TEFM: variants seen among roughly 807,000 people sequenced by gnomAD.
The protein encoded by TEFM is transcription elongation factor of mitochondria.
Under a neutral mutation model 23.0 loss-of-function variants are expected in TEFM, and 14 were observed. That is an observed-to-expected ratio of 0.61 (90% CI 0.40 to 0.95). TEFM has a LOEUF of 0.95. Ranked by LOEUF, TEFM falls within the 40% of genes least tolerant of loss-of-function variation. TEFM has a pLI of 0.00. For synonymous variants in TEFM, 155 were observed against 158.3 expected, an observed-to-expected ratio of 0.98 and a Z score of 0.16; for missense variants, 386 against 425.5, an observed-to-expected ratio of 0.91 and a Z score of 0.82.
At chr17:30,902,171 C>G (rs1316286608) in intron 2 of TEFM, among the ~76,000 whole-genome samples, 1 of 152,152 alleles carries the variant, frequency 6.6e-6, no homozygotes, top group African/African-American at 2.4e-5. Flanking sequence ...CCCAACATGG[C>G]TCACTTAGTT....
intron 3 of TEFM, 23 bp from the exon 4 acceptor site, chr17:30,899,629 A>C (rs138218925): frequency 3.4e-6 from 5 of 1,460,312 alleles, no homozygotes; most frequent in African/African-American, 2.8e-5. Context: ...AGACAAAATA[A>C]AGGAACAGAA....
At position 30,904,104 on chromosome 17, in the gene TEFM, T is replaced by C; in HGVS notation, c.457A>G (p.Lys153Glu). 1 of 1,614,028 alleles carries C rather than the reference T, an allele frequency of 6.2e-7. No individual in the cohort carries two copies. Among genetic ancestry groups the C allele is most frequent in the Non-Finnish European group, 8.5e-7 (1 of 1,179,952 alleles). Residue 153 changes from lysine to glutamate, a missense_variant, in exon 2 of 4, where the codon AAG becomes GAG. Lys to Glu is a moderately conservative substitution (Grantham distance 56). Transcript: ENST00000581216. ...CTTTCTATGTCTGGTTTGAGGAGCT[T>C]TCTCAGGAACCGGTTTTCCGGTGAC... Reference protein sequence around the residue: ...RKSPENRFLRKLLKPDIERER... With the variant: ...RKSPENRFLRELLKPDIERER...
At position 30,904,055 on chromosome 17, in the gene TEFM, G is replaced by A. The variant is rs774557187; in HGVS notation, c.495+11C>T. 3.4e-5 allele frequency: 54 copies of A among 1,605,826 alleles called. No homozygotes were observed. Among genetic ancestry groups the A allele is most frequent in the Middle Eastern group, 3.3e-4 (2 of 6,048 alleles). ...AAATATTAGGCAGTATAGCAGACAT[G>A]AAGAATATACCTTAAGTCTTTCTCT... On this transcript the variant is annotated intron_variant, in intron 2 of 3. Transcript: ENST00000581216.
Position 30,899,100 on chromosome 17 carries a change from T to C in TEFM, c.*69A>G. The C allele has an allele frequency of 7.6e-7, 1 of 1,319,346 alleles. No individual in the cohort carries two copies. Among genetic ancestry groups the C allele is most frequent in the Non-Finnish European group, 1.0e-6 (1 of 973,930 alleles). The allele number at this position is 1,319,346 out of a possible 1,614,324, so 81.7% of individuals were successfully genotyped here. The stretch of plus-strand genomic sequence containing the variant: ...GAAAATGTGTTCTTTTCCAATAACA[T>C]GGATGTTCACAACAGTTGGTGTTAC... On this transcript the variant is annotated 3_prime_UTR_variant, in exon 4 of 4. Transcript: ENST00000581216.
Position 30,899,244 on chromosome 17 carries a change from T to G in TEFM, c.1008A>C (p.Arg336Ser), listed in dbSNP as rs774696690. The change falls in exon 4 of 4, where the codon AGA becomes AGC. Residue 336 changes from arginine (R) to serine (S), a missense_variant. Physicochemically the swap from Arg to Ser is moderately radical, Grantham distance 110 (BLOSUM62 -1). Transcript: ENST00000581216. ...RQMFLSTELQ[R>S]VEELYDSLLQ... The stretch of plus-strand genomic sequence containing the variant: ...ATAATGAATCATAAAGCTCTTCTAC[T>G]CTTTGTAGTTCAGTAGATAAAAACA... 7 of 1,614,030 alleles carry G rather than the reference T, an allele frequency of 4.3e-6. No individual in the cohort carries two copies. The highest frequency in any genetic ancestry group is 1.3e-5 in the African/African-American group (1 of 74,928).
rs1910112249 is a variant in TEFM at position 30,904,120 on chromosome 17, T to G, written c.441A>C (p.Glu147Asp). The G allele has an allele frequency of 1.9e-6, 3 of 1,613,900 alleles. No individual in the cohort carries two copies. Among genetic ancestry groups the G allele is most frequent in the African/African-American group, 1.3e-5 (1 of 74,944 alleles). ...TGAGGAGCTTTCTCAGGAACCGGTT[T>G]TCCGGTGACTTTCTTTTTTCCCGTC... Reference protein sequence around the residue: ...KTGREKRKSPENRFLRKLLKP... With the variant: ...KTGREKRKSPDNRFLRKLLKP... The change falls in exon 2 of 4, where the codon GAA (glutamate) becomes GAC (aspartate). Residue 147 changes from glutamate to aspartate, a missense_variant. Physicochemically the swap from Glu to Asp is conservative, Grantham distance 45. Transcript: ENST00000581216.
chr17:30,904,817 T>G (rs1262501505), intron 1 of TEFM, among the ~76,000 whole-genome samples: 1 of 151,932 alleles, frequency 6.6e-6, no homozygotes, highest in Non-Finnish European at 1.5e-5. Flanking sequence ...TGGCTGGGAC[T>G]ACAGGCGCCT....
intron 2 of TEFM, among the ~76,000 whole-genome samples, chr17:30,900,776 A>T (rs1291557732): frequency 7.0e-6 from 1 of 143,806 alleles, no homozygotes; most frequent in Non-Finnish European, 1.5e-5. Context: ...TAATTTTTTT[A>T]TTTTTTTTTT....
chr17:30,903,229 G>GTT (rs567911720), intron 2 of TEFM, among the ~76,000 whole-genome samples: 22 of 126,532 alleles, frequency 1.7e-4, no homozygotes, highest in South Asian at 2.7e-4. Context: ...TTAGAATGGT[G>GTT]TTTTTTTTTT....
chr17:30,903,881 T>C (rs1910100614), intron 2 of TEFM, 185 bp downstream of exon 2: 2 of 556,226 alleles, frequency 3.6e-6, no homozygotes, highest in Non-Finnish European at 6.2e-6. Context: ...TCACAGCCCA[T>C]TGTTTTCTCT....
intron 1 of TEFM, 32 bp from the exon 2 acceptor site, chr17:30,904,561 G>A: frequency 1.3e-6 from 2 of 1,526,274 alleles, no homozygotes; most frequent in Non-Finnish European, 1.8e-6. Context: ...ATATAAGTTG[G>A]ATGTCCTACT....
chr17:30,900,514 A>G lies in TEFM; in HGVS notation c.544T>C (p.Trp182Arg), dbSNP rs1910016823. 5 of 1,614,196 alleles carry G rather than the reference A, an allele frequency of 3.1e-6. No homozygotes were observed. The highest frequency in any genetic ancestry group is 4.2e-6 in the Non-Finnish European group (5 of 1,180,004). Reference protein sequence around the residue: ...SIVFGTRRIAWAHLDRKLTVL... With the variant: ...SIVFGTRRIARAHLDRKLTVL... ...GTCAACTTACGATCAAGGTGAGCCCAGGCAATTCTTCGAGTACCAAAAACG... is the reference window on the plus strand; with the variant it reads ...GTCAACTTACGATCAAGGTGAGCCCGGGCAATTCTTCGAGTACCAAAAACG... The change falls in exon 3 of 4, where the codon TGG (tryptophan) becomes CGG (arginine). Residue 182 changes from tryptophan (W) to arginine (R), a missense_variant. Coordinates refer to ENST00000581216, the MANE Select transcript of TEFM (RefSeq NM_024683.4).
intron 2 of TEFM, among the ~76,000 whole-genome samples, chr17:30,901,109 C>G (rs1451889887): frequency 6.6e-6 from 1 of 152,138 alleles, no homozygotes; most frequent in Non-Finnish European, 1.5e-5. Flanking sequence ...CAACATCCAC[C>G]TCCCAGATTC....
intron 2 of TEFM, among the ~76,000 whole-genome samples, chr17:30,902,239 T>A (rs1245034337): frequency 6.6e-6 from 1 of 152,138 alleles, no homozygotes; most frequent in African/African-American, 2.4e-5. Context: ...GAACAATTAG[T>A]TGTATACCCA....
chr17:30,899,271 C>A lies in TEFM; in HGVS notation c.981G>T (p.Gln327His). Reference sequence around the variant, plus strand: ...TTTGTAGTTCAGTAGATAAAAACATCTGTCTGTAGTGAACTATTTTATCTG... The same window carrying A: ...TTTGTAGTTCAGTAGATAAAAACATATGTCTGTAGTGAACTATTTTATCTG... The part of the protein sequence containing the change: ...FPSDKIVHYR[Q>H]MFLSTELQRV... Residue 327 changes from glutamine to histidine, a missense_variant, in exon 4 of 4, where the codon CAG (glutamine) becomes CAT (histidine). Gln to His is a conservative substitution (Grantham distance 24, BLOSUM62 0). Transcript: ENST00000581216. 1 of 1,614,170 alleles carries A rather than the reference C, an allele frequency of 6.2e-7. No homozygotes were observed. The highest frequency in any genetic ancestry group is 1.3e-5 in the African/African-American group (1 of 75,048).
At position 30,900,477 on chromosome 17, in the gene TEFM, C is replaced by T. The variant is rs1481438028; in HGVS notation, c.581G>A (p.Trp194Ter). ...HLDRKLTVLDWQQSDRWSLMR... is the reference protein window; with the variant it reads ...HLDRKLTVLD ...TAAACTCCAACGGTCACTTTGCTGCCAGTCCAGCACTGTCAACTTACGATC... is the reference window on the plus strand; with the variant it reads ...TAAACTCCAACGGTCACTTTGCTGCTAGTCCAGCACTGTCAACTTACGATC... Residue 194 changes from tryptophan to a stop codon, truncating the protein, a stop_gained, in exon 3 of 4, where the codon TGG becomes TAG. Transcript: ENST00000581216. LOFTEE classifies it high-confidence loss of function. The T allele has an allele frequency of 6.2e-7, 1 of 1,614,190 alleles. No homozygotes were observed. The highest frequency in any genetic ancestry group is 8.5e-7 in the Non-Finnish European group (1 of 1,180,022).
chr17:30,899,215 T>C lies in TEFM; in HGVS notation c.1037A>G (p.Gln346Arg). The change falls in exon 4 of 4, where the codon CAA becomes CGA. Residue 346 changes from glutamine (Q) to arginine (R), a missense_variant. By Grantham distance (43) the Gln-to-Arg change is conservative. Transcript: ENST00000581216. ...RVEELYDSLL[Q>R]AIAFYELAVF... ...TGCTAATTCATAGAAGGCAATAGCT[T>C]GTAATAATGAATCATAAAGCTCTTC... 6.2e-7 allele frequency: 1 copy of C among 1,611,476 alleles called. No homozygotes were observed. The highest frequency in any genetic ancestry group is 8.5e-7 in the Non-Finnish European group (1 of 1,178,268).
intron 3 of TEFM, chr17:30,899,987 C>G (rs1199005987): frequency 3.8e-6 from 1 of 263,184 alleles, no homozygotes; most frequent in Non-Finnish European, 7.1e-6. Context: ...CTGCAACTGA[C>G]TAATCACATC....
At position 30,904,432 on chromosome 17, in the gene TEFM, A is replaced by G. The variant is rs2142476981; in HGVS notation, c.129T>C (p.Ile43=). 6.2e-7 allele frequency: 1 copy of G among 1,614,108 alleles called. No individual in the cohort carries two copies. Among genetic ancestry groups the G allele is most frequent in the Non-Finnish European group, 8.5e-7 (1 of 1,180,010 alleles). The change falls in exon 2 of 4, where the codon ATT becomes ATC. Residue 43 remains isoleucine, a synonymous_variant. Coordinates refer to ENST00000581216, the MANE Select transcript of TEFM (RefSeq NM_024683.4). ...CATCACAAAAAGTAACATTGGGAGTAATTTTCTTAGGTGTAGTGGATTTTT... is the reference window on the plus strand; with the variant it reads ...CATCACAAAAAGTAACATTGGGAGTGATTTTCTTAGGTGTAGTGGATTTTT... The part of the protein sequence containing the change: ...CRKKSTTPKK[I]TPNVTFCDEN...
Sources: gnomAD v4.1 joint callset for allele counts (sites outside exome capture counted in the v4.1 genomes callset) on GRCh38, gnomAD v4.1.1 for gene constraint, MANE v1.5 for transcripts, NCBI Gene and HGNC (gene_info 2026-07-23, HGNC 2026-07-21) for gene names.